B3GALT1: variants seen among roughly 807,000 people sequenced by gnomAD.
B3GALT1 encodes the protein beta-1,3-galactosyltransferase 1.
A neutral mutation model predicts 23.2 loss-of-function variants in B3GALT1; 10 were observed. The ratio of observed to expected loss-of-function variants is 0.43; its 90% CI spans 0.27 to 0.73. The LOEUF is 0.73. B3GALT1 is among the 30% of genes least tolerant of loss of function. The pLI is 0.21. For missense variants in B3GALT1, 299 were observed against 405.4 expected (o/e 0.74, Z 2.25); for synonymous variants, 156 against 141.5 (o/e 1.10, Z -0.73).
In B3GALT1 at chr2:167,521,968, ATGTG is replaced by A. The variant is rs148866209; in HGVS notation, c.-410+31705_-410+31708del. ...ATGAAAATAGACATTACCAACATAT[ATGTG>A]TGTGTGTGTGTGTATATATATATAT... On this transcript the variant is annotated intron_variant, in intron 2 of 4. Transcript: ENST00000392690. Among the ~76,000 whole-genome samples, 1,044 of 138,724 alleles carry A rather than the reference ATGTG, an allele frequency of 7.5e-3. 15 individuals are homozygous for A. The highest frequency in any genetic ancestry group is 0.024 in the African/African-American group (899 of 37,186). 91.0% of individuals were successfully genotyped at this position (138,724 alleles called of 152,430 possible).
chr2:167,480,178 T>C (rs961625068), intron 1 of B3GALT1, among the ~76,000 whole-genome samples: 1 of 152,188 alleles, frequency 6.6e-6, no homozygotes, highest in African/African-American at 2.4e-5. Flanking sequence ...AAACCATGCC[T>C]ACATTTTAGC....
At chr2:167,665,639 G>C (rs1322810139) in intron 3 of B3GALT1, among the ~76,000 whole-genome samples, 2 of 152,072 alleles carry the variant, frequency 1.3e-5, no homozygotes, top group East Asian at 3.9e-4. Flanking sequence ...CACAATTTCA[G>C]ATCCTGTTAT....
At chr2:167,443,501 C>T (rs987205596) in intron 1 of B3GALT1, among the ~76,000 whole-genome samples, 3 of 152,158 alleles carry the variant, frequency 2.0e-5, no homozygotes, top group Non-Finnish European at 4.4e-5. Context: ...TTGTTCCTAT[C>T]CATGAGCATG....
rs1312604288 is a variant in B3GALT1 at position 167,869,722 on chromosome 2, C to T, written c.683C>T (p.Pro228Leu). Reference protein sequence around the residue: ...SKWYMPRDLYPDSNYPPFCSG... With the variant: ...SKWYMPRDLYLDSNYPPFCSG... ...TGGTATATGCCCAGGGATTTGTACC[C>T]AGACAGTAACTACCCACCTTTCTGT... is the stretch of plus-strand genomic sequence containing the variant. Residue 228 changes from proline (P) to leucine (L), a missense_variant, in exon 5 of 5, where the codon CCA becomes CTA. By Grantham distance (98) the Pro-to-Leu change is moderately conservative. Around this residue, in one of 3 missense-constraint regions of B3GALT1, gnomAD observed 133 missense variants for 204.8 expected, o/e 0.65. Coordinates refer to ENST00000392690, the MANE Select transcript of B3GALT1 (RefSeq NM_020981.4). This position sits in a 1 kb window ranked among gnomAD's most constrained non-coding sequence, Gnocchi z 6.4. 1 of 1,614,128 alleles carries T rather than the reference C, an allele frequency of 6.2e-7. No individual in the cohort carries two copies. Among genetic ancestry groups the T allele is most frequent in the Admixed American group, 1.7e-5 (1 of 60,026 alleles).
At chr2:167,375,523 A>G (rs1156325214) in intron 1 of B3GALT1, among the ~76,000 whole-genome samples, 1 of 151,854 alleles carries the variant, frequency 6.6e-6, no homozygotes, top group Non-Finnish European at 1.5e-5. Context: ...CTTTAGCAGT[A>G]TTTTATAGTT....
chr2:167,613,917 C>T (rs1229690383), intron 2 of B3GALT1, among the ~76,000 whole-genome samples: 3 of 151,490 alleles, frequency 2.0e-5, no homozygotes, highest in Admixed American at 6.6e-5. Flanking sequence ...GGTTTTTTTC[C>T]CTTGACATTA....
chr2:167,773,811 A>C (rs895682513), intron 3 of B3GALT1, among the ~76,000 whole-genome samples: 1 of 152,222 alleles, frequency 6.6e-6, no homozygotes, highest in African/African-American at 2.4e-5. Flanking sequence ...GAAGTAAAAC[A>C]AAGTGGGAGC....
chr2:167,562,974 A>T lies in B3GALT1; in HGVS notation c.-410+72697A>T, dbSNP rs545007609. ...AGAGCACAGGGTTGGGGGCAAGGTC[A>T]CCGATCAACAGGATCCCAAGGCAGA... On this transcript the variant is annotated intron_variant, in intron 2 of 4. Transcript: ENST00000392690. 2.0e-5 allele frequency among the ~76,000 whole-genome samples: 3 copies of T among 152,298 alleles called. No homozygotes were observed. In the East Asian group the frequency reaches 5.8e-4, roughly 29 times the overall value.
At chr2:167,483,934 C>G (rs1324114527) in intron 1 of B3GALT1, among the ~76,000 whole-genome samples, 2 of 152,156 alleles carry the variant, frequency 1.3e-5, no homozygotes, top group Non-Finnish European at 2.9e-5. Context: ...TTCCAAAACC[C>G]TCTGTCTCTA....
chr2:167,374,903 A>T (rs567720768), intron 1 of B3GALT1, among the ~76,000 whole-genome samples: 1 of 152,178 alleles, frequency 6.6e-6, no homozygotes, highest in African/African-American at 2.4e-5. Context: ...GGAGTTAGTC[A>T]TAAATTGTTT....
At chr2:167,399,371 TTTAAA>T (rs1168005687) in intron 1 of B3GALT1, among the ~76,000 whole-genome samples, 3 of 152,174 alleles carry the variant, frequency 2.0e-5, no homozygotes, top group Admixed American at 6.6e-5. Context: ...AAAATTTAAA[TTTAAA>T]TTATTCTGTA....
intron 1 of B3GALT1, among the ~76,000 whole-genome samples, chr2:167,371,332 A>G (rs1697681378): frequency 1.3e-5 from 2 of 152,200 alleles, no homozygotes; most frequent in African/African-American, 4.8e-5. Flanking sequence ...GAAAAATTAC[A>G]AAATAGGCCC....
At chr2:167,649,308 A>G (rs114758114) in intron 3 of B3GALT1, among the ~76,000 whole-genome samples, 2,368 of 152,218 alleles carry the variant, frequency 0.016, 24 homozygotes, top group Non-Finnish European at 0.025. Flanking sequence ...TTGAGGCAAA[A>G]TTCATATAAC....
At chr2:167,736,714 C>T (rs1449506733) in intron 3 of B3GALT1, among the ~76,000 whole-genome samples, 1 of 151,992 alleles carries the variant, frequency 6.6e-6, no homozygotes, top group African/African-American at 2.4e-5. Context: ...CCAACCTGGC[C>T]AACATGGCGA....
chr2:167,560,381 G>A (rs1249257418), intron 2 of B3GALT1, among the ~76,000 whole-genome samples: 4 of 151,734 alleles, frequency 2.6e-5, no homozygotes, highest in Admixed American at 6.6e-5. Flanking sequence ...TCGAGACTAG[G>A]AAGAAACTGC....
rs1246462200 is a variant in B3GALT1 at position 167,812,728 on chromosome 2, A to G, written c.-351-5944A>G. Among the ~76,000 whole-genome samples the G allele has an allele frequency of 3.9e-5, 6 of 152,174 alleles. No individual in the cohort carries two copies. The East Asian group carries it at 1.2e-3, about 29-fold the overall frequency. On this transcript the variant is annotated intron_variant, in intron 3 of 4. Transcript: ENST00000392690. ...AAAAATATTGCTGAATTGTTGAAAG[A>G]CTGGCTCAGATGTATTTCAGTTTAA...
chr2:167,544,941 A>G lies in B3GALT1; in HGVS notation c.-410+54664A>G, dbSNP rs113313702. On this transcript the variant is annotated intron_variant, in intron 2 of 4. Coordinates refer to ENST00000392690, the MANE Select transcript of B3GALT1 (RefSeq NM_020981.4). ...CAGAGTGTGCAGCGGCAAGATTTATAAAAGCGAAAGTAAAATGAAAAAGAA... is the reference window on the plus strand; with the variant it reads ...CAGAGTGTGCAGCGGCAAGATTTATGAAAGCGAAAGTAAAATGAAAAAGAA... Among the ~76,000 whole-genome samples, 591 of 151,968 alleles carry G rather than the reference A, an allele frequency of 3.9e-3. 4 individuals carry two copies. The highest frequency in any genetic ancestry group is 0.017 in the Middle Eastern group (5 of 294).
intron 1 of B3GALT1, among the ~76,000 whole-genome samples, chr2:167,320,990 G>A (rs1375835759): frequency 6.6e-6 from 1 of 151,878 alleles, no homozygotes; most frequent in Non-Finnish European, 1.5e-5. Flanking sequence ...AATTGAGGCA[G>A]AAAGGAAATC....
chr2:167,469,646 G>C (rs1214282301), intron 1 of B3GALT1, among the ~76,000 whole-genome samples: 2 of 152,054 alleles, frequency 1.3e-5, no homozygotes, highest in African/African-American at 4.8e-5. Flanking sequence ...AAATACTTAT[G>C]ATTGTAAAGT....
Sources: allele counts gnomAD v4.1 joint callset (sites outside exome capture counted in the v4.1 genomes callset), GRCh38; gene constraint gnomAD v4.1.1; regional missense constraint gnomAD v4.1.1; non-coding constraint Gnocchi (gnomAD v3.1); transcripts MANE v1.5; gene names NCBI Gene and HGNC (gene_info 2026-07-23, HGNC 2026-07-21).